The following PDE10A variants were observed in gnomAD, a reference collection of about 807,000 sequenced individuals.
PDE10A encodes cAMP and cAMP-inhibited cGMP 3',5'-cyclic phosphodiesterase 10A.
PDE10A carries 39 observed loss-of-function variants against 97.7 expected under a neutral mutation model. The observed-to-expected ratio is 0.40, with a 90% CI of 0.31 to 0.52. PDE10A has a LOEUF of 0.52. PDE10A is among the 20% of genes least tolerant of loss of function. The pLI is 0.56. For missense variants in PDE10A, 731 were observed against 1,047.8 expected (o/e 0.70, Z 4.17); for synonymous variants, 371 against 376.8 (o/e 0.98, Z 0.18).
At chr6:165,566,009 G>A (rs549399165) in intron 1 of PDE10A, among the ~76,000 whole-genome samples, 1 of 152,198 alleles carries the variant, frequency 6.6e-6, no homozygotes, top group East Asian at 1.9e-4. Context: ...AAATATAGAT[G>A]AACCTGGGCA....
chr6:165,502,349 C>T (rs1780940448), intron 2 of PDE10A, among the ~76,000 whole-genome samples: 1 of 152,096 alleles, frequency 6.6e-6, no homozygotes, highest in South Asian at 2.1e-4. Context: ...AAAGTATTTT[C>T]AAAATACGTA....
intron 1 of PDE10A, among the ~76,000 whole-genome samples, chr6:165,642,190 C>G (rs746937341): frequency 6.6e-6 from 1 of 152,226 alleles, no homozygotes; most frequent in Non-Finnish European, 1.5e-5. Flanking sequence ...TCTCCCACAG[C>G]CCCACATCCA....
chr6:165,884,813 C>A (rs996525742), intron 1 of PDE10A, among the ~76,000 whole-genome samples: 2 of 152,130 alleles, frequency 1.3e-5, no homozygotes, highest in East Asian at 3.9e-4. Flanking sequence ...ATGAGCGAGG[C>A]TTTGTTTAAG....
intron 1 of PDE10A, among the ~76,000 whole-genome samples, chr6:165,890,015 TC>T (rs1204408675): frequency 1.3e-4 from 11 of 82,994 alleles, no homozygotes; most frequent in African/African-American, 4.5e-4. Flanking sequence ...CACTCCTCAC[TC>T]CCTCCCTCCT....
intron 1 of PDE10A, among the ~76,000 whole-genome samples, chr6:165,754,566 C>A (rs539467351): frequency 2.8e-5 from 4 of 145,380 alleles, no homozygotes; most frequent in African/African-American, 4.9e-5. Context: ...AAGTTTCTCT[C>A]TATATATATA....
intron 1 of PDE10A, among the ~76,000 whole-genome samples, chr6:165,967,353 C>T (rs60755860): frequency 0.13 from 20,427 of 152,116 alleles, 1,689 homozygotes; most frequent in African/African-American, 0.23. Context: ...AAACATTAGC[C>T]GGCTGTGGTG....
At chr6:165,938,481 T>TGTTACTAATCTTGGATTATTCAGGG (rs1783408684) in intron 1 of PDE10A, among the ~76,000 whole-genome samples, 2 of 152,242 alleles carry the variant, frequency 1.3e-5, no homozygotes, top group Admixed American at 6.5e-5. Flanking sequence ...TTGGCTGGAA[T>TGTTACTAATCTTGGATTATTCAGGG]GTTACTAATC....
intron 1 of PDE10A, among the ~76,000 whole-genome samples, chr6:165,843,006 CA>C (rs1361163698): frequency 1.3e-5 from 2 of 152,194 alleles, no homozygotes; most frequent in East Asian, 3.9e-4. Context: ...ATCTGACACA[CA>C]AATGTGGGTT....
intron 1 of PDE10A, chr6:165,987,484 G>C (rs1211374819): frequency 1.2e-5 from 4 of 346,966 alleles, no homozygotes; most frequent in Non-Finnish European, 1.7e-5. Flanking sequence ...AAGTTTTTCT[G>C]GACTCTCAAG....
At position 165,357,729 on chromosome 6, in the gene PDE10A, T is replaced by G. The variant is rs138104825; in HGVS notation, c.2784-14227A>C. Among the ~76,000 whole-genome samples the G allele has an allele frequency of 8.7e-3, 1,198 of 137,060 alleles. 15 individuals carry two copies. The highest frequency in any genetic ancestry group is 0.033 in the African/African-American group (1,132 of 33,814). 89.9% of individuals were successfully genotyped at this position (137,060 alleles called of 152,430 possible). On this transcript the variant is annotated intron_variant, in intron 18 of 21. Coordinates refer to ENST00000539869, the MANE Select transcript of PDE10A (RefSeq NM_001385079.1). ...CTCTTTCACTGTCAACATTGGCAAT[T>G]GGTGTTAATATTTTCTTTTTTTTCC...
At chr6:165,777,379 G>A (rs1039816008) in intron 1 of PDE10A, among the ~76,000 whole-genome samples, 7 of 152,222 alleles carry the variant, frequency 4.6e-5, no homozygotes, top group Non-Finnish European at 1.0e-4. Flanking sequence ...CTCCGCTTTG[G>A]TCGTGGTTAG....
chr6:165,351,228 TG>T lies in PDE10A; in HGVS notation c.2784-7727del, dbSNP rs1782674915. ...ATAAAATATCATAAAAAATACCTAG[TG>T]TCTTTAATCACAGTTGTGGTCACAA... On this transcript the variant is annotated intron_variant, in intron 18 of 21. Transcript: ENST00000539869. 1.3e-5 allele frequency among the ~76,000 whole-genome samples: 2 copies of T among 152,166 alleles called. 1 individual carries two copies. Among genetic ancestry groups the T allele is most frequent in the South Asian group, 4.1e-4 (2 of 4,826 alleles).
chr6:165,752,201 G>C (rs1348160994), intron 1 of PDE10A, among the ~76,000 whole-genome samples: 2 of 150,728 alleles, frequency 1.3e-5, no homozygotes, highest in African/African-American at 4.9e-5. Flanking sequence ...CCTATACACT[G>C]CTGAATGTGG....
rs555254365 is a variant in PDE10A at position 165,711,112 on chromosome 6, G to A, written c.-614-167544C>T. On this transcript the variant is annotated intron_variant, in intron 1 of 19. Transcript: ENST00000366882. The surrounding 1 kb of genome is among the most constrained non-coding windows in gnomAD (Gnocchi z 4.5). Reference sequence around the variant, plus strand: ...CCGCTCCTCAAAGCCAACAAAGCGGGTCCTTTGCTCCCACCTTTAAGCATG... The same window carrying A: ...CCGCTCCTCAAAGCCAACAAAGCGGATCCTTTGCTCCCACCTTTAAGCATG... Among the ~76,000 whole-genome samples, 2 of 152,338 alleles carry A rather than the reference G, an allele frequency of 1.3e-5. No homozygotes were observed. Among genetic ancestry groups the A allele is most frequent in the Admixed American group, 6.5e-5 (1 of 15,310 alleles).
At chr6:165,720,921 C>T (rs751007021) in intron 1 of PDE10A, among the ~76,000 whole-genome samples, 5 of 152,156 alleles carry the variant, frequency 3.3e-5, no homozygotes, top group Non-Finnish European at 7.4e-5. Context: ...GTCCATTGAT[C>T]GTGCCCAAGA....
chr6:165,634,568 G>C (rs1028911831), intron 1 of PDE10A, among the ~76,000 whole-genome samples: 1 of 152,050 alleles, frequency 6.6e-6, no homozygotes, highest in Non-Finnish European at 1.5e-5. Flanking sequence ...GCATTAAACT[G>C]AAATGAAAAA....
intron 1 of PDE10A, among the ~76,000 whole-genome samples, chr6:165,641,155 G>A (rs1195123104): frequency 6.6e-6 from 1 of 152,070 alleles, no homozygotes; most frequent in African/African-American, 2.4e-5. Flanking sequence ...GCAGACACGT[G>A]GGGGCCAGTA....
At chr6:165,653,626 T>C (rs992563916) in intron 1 of PDE10A, among the ~76,000 whole-genome samples, 6 of 152,052 alleles carry the variant, frequency 3.9e-5, no homozygotes, top group South Asian at 2.1e-4. Flanking sequence ...ACCACACGTG[T>C]CTCTACCAGC....
chr6:165,516,024 C>T (rs771677525), intron 2 of PDE10A, among the ~76,000 whole-genome samples: 2 of 152,198 alleles, frequency 1.3e-5, no homozygotes, highest in Non-Finnish European at 1.5e-5. Context: ...AATAAAAAAT[C>T]TGCTAAAATA....
Sources: gnomAD v4.1 joint callset for allele counts (sites outside exome capture counted in the v4.1 genomes callset) on GRCh38, gnomAD v4.1.1 for gene constraint, Gnocchi (gnomAD v3.1) non-coding constraint, MANE v1.5 for transcripts, NCBI Gene and HGNC (gene_info 2026-07-23, HGNC 2026-07-21) for gene names.